The following EIF4G3 variants were observed in gnomAD, a reference collection of about 807,000 sequenced individuals.
The protein encoded by EIF4G3 is eIF-4-gamma 3.
A neutral mutation model predicts 186.4 loss-of-function variants in EIF4G3; 34 were observed. The ratio of observed to expected loss-of-function variants is 0.18; its 90% CI spans 0.14 to 0.24. The LOEUF (loss-of-function observed/expected upper bound fraction) is 0.24. Among genes scored for constraint, EIF4G3 ranks in the 10% least tolerant of loss-of-function variants. The pLI, the probability that EIF4G3 is intolerant of heterozygous loss-of-function variation, is 1.00. For missense variants in EIF4G3, 1,536 were observed against 1,948.5 expected, an observed-to-expected ratio of 0.79 and a Z score of 3.99; for synonymous variants, 673 against 679.5, an observed-to-expected ratio of 0.99 and a Z score of 0.15.
intron 29 of EIF4G3, among the ~76,000 whole-genome samples, chr1:20,848,656 A>G (rs2072064088): frequency 6.6e-6 from 1 of 152,224 alleles, no homozygotes; most frequent in East Asian, 1.9e-4. Context: ...GACCTGGCAC[A>G]TTGCTTGTTT....
chr1:21,154,777 C>T (rs908021492), intron 2 of EIF4G3, among the ~76,000 whole-genome samples: 1 of 152,132 alleles, frequency 6.6e-6, no homozygotes, highest in South Asian at 2.1e-4. Context: ...ATGTATCTCT[C>T]CATCTATATA....
intron 2 of EIF4G3, among the ~76,000 whole-genome samples, chr1:21,093,783 G>T (rs1023197372): frequency 6.6e-6 from 1 of 152,076 alleles, no homozygotes; most frequent in African/African-American, 2.4e-5. Flanking sequence ...CATAAAAAAG[G>T]ATGAGTTCAT....
chr1:20,839,714 C>G (rs941798142), intron 30 of EIF4G3, among the ~76,000 whole-genome samples: 33 of 151,762 alleles, frequency 2.2e-4, no homozygotes, highest in African/African-American at 7.7e-4. Flanking sequence ...GTTTCAGACT[C>G]CTGATCTCAA....
At chr1:20,880,854 A>T (rs933618333) in intron 19 of EIF4G3, among the ~76,000 whole-genome samples, 2 of 152,232 alleles carry the variant, frequency 1.3e-5, no homozygotes, top group Non-Finnish European at 2.9e-5. Flanking sequence ...CTTGTATTAG[A>T]AGATTCATTA....
chr1:21,035,351 T>C (rs1166131142), intron 4 of EIF4G3, among the ~76,000 whole-genome samples: 4 of 152,098 alleles, frequency 2.6e-5, no homozygotes, highest in Non-Finnish European at 4.4e-5. Flanking sequence ...CCCTCCTGAG[T>C]TGGCAGGGCA....
At chr1:20,941,310 G>A (rs978006123) in intron 14 of EIF4G3, 181 bp downstream of exon 14, 1 of 1,557,726 alleles carries the variant, frequency 6.4e-7, no homozygotes, top group African/African-American at 1.4e-5. Flanking sequence ...TTTAGACAAT[G>A]GAGTAACTCT....
chr1:20,878,614 C>T (rs192746157), intron 20 of EIF4G3, among the ~76,000 whole-genome samples: 3 of 152,024 alleles, frequency 2.0e-5, no homozygotes, highest in Admixed American at 6.5e-5. Flanking sequence ...CAGCAAGGCA[C>T]GACAATGAGT....
intron 4 of EIF4G3, among the ~76,000 whole-genome samples, chr1:21,026,764 T>G (rs1028594583): frequency 6.6e-6 from 1 of 151,572 alleles, no homozygotes; most frequent in Non-Finnish European, 1.5e-5. Flanking sequence ...AACCTGACCA[T>G]CATGGCAAAA....
chr1:20,921,838 T>G (rs2094510951), intron 14 of EIF4G3, among the ~76,000 whole-genome samples: 1 of 152,184 alleles, frequency 6.6e-6, no homozygotes, highest in Non-Finnish European at 1.5e-5. Flanking sequence ...CAGTGTGTAT[T>G]TTGACATCCC....
intron 15 of EIF4G3, among the ~76,000 whole-genome samples, chr1:20,900,593 A>G (rs3767246): frequency 0.1 from 15,848 of 152,124 alleles, 1,136 homozygotes; most frequent in East Asian, 0.32. Flanking sequence ...AGAAGGCGAA[A>G]AAGAATTGAA....
chr1:21,106,711 G>A (rs2096624418), intron 2 of EIF4G3, among the ~76,000 whole-genome samples: 1 of 151,824 alleles, frequency 6.6e-6, no homozygotes, highest in South Asian at 2.1e-4. Flanking sequence ...CATAAAAATA[G>A]CATTTAATGC....
chr1:20,931,417 C>G (rs1378209883), intron 14 of EIF4G3, among the ~76,000 whole-genome samples: 1 of 152,146 alleles, frequency 6.6e-6, no homozygotes, highest in Non-Finnish European at 1.5e-5. Flanking sequence ...ACACTGCAAA[C>G]AGATGTGTCA....
intron 30 of EIF4G3, among the ~76,000 whole-genome samples, chr1:20,833,335 T>C (rs1210815920): frequency 1.3e-5 from 2 of 152,182 alleles, no homozygotes; most frequent in Admixed American, 6.5e-5. Flanking sequence ...AAGTCCCTTG[T>C]AAGTTGGATT....
Position 20,899,803 on chromosome 1 carries a change from C to T in EIF4G3, c.1893G>A (p.Glu631=). 6.2e-7 allele frequency: 1 copy of T among 1,614,138 alleles called. No individual in the cohort carries two copies. The highest frequency in any genetic ancestry group is 1.7e-5 in the Admixed American group (1 of 60,026). The change falls in exon 16 of 37, where the codon GAG becomes GAA. Residue 631 remains glutamate (E), a synonymous_variant. Coordinates refer to ENST00000602326, the MANE Select transcript of EIF4G3 (RefSeq NM_001391906.1). ...KAVEENGEEA[E]PVRNGAESVS... ...CACTCTCAGCACCATTACGTACTGG[C>T]TCAGCTTCTTCTCCATTTTCTTCCA...
At chr1:21,174,036 A>G (rs926362792) in intron 2 of EIF4G3, among the ~76,000 whole-genome samples, 1 of 152,194 alleles carries the variant, frequency 6.6e-6, no homozygotes, top group Admixed American at 6.5e-5. Context: ...TATTTTAGCA[A>G]TTGTAACCTT....
At chr1:20,987,457 A>G (rs2079841127) in intron 7 of EIF4G3, among the ~76,000 whole-genome samples, 1 of 152,248 alleles carries the variant, frequency 6.6e-6, no homozygotes, top group Non-Finnish European at 1.5e-5. Context: ...GTGTTGAGAA[A>G]GTCTATCAGC....
chr1:20,815,575 C>G (rs1483041872), intron 34 of EIF4G3, among the ~76,000 whole-genome samples: 2 of 152,074 alleles, frequency 1.3e-5, no homozygotes, highest in East Asian at 3.9e-4. Context: ...TGGGGAGCCC[C>G]TCCGTCCGGC....
chr1:20,917,307 G>A (rs1464515718), intron 14 of EIF4G3, among the ~76,000 whole-genome samples: 1 of 152,206 alleles, frequency 6.6e-6, no homozygotes, highest in Non-Finnish European at 1.5e-5. Context: ...ATCAGCCTGG[G>A]CAACATGGCG....
Position 21,133,802 on chromosome 1 carries a change from C to T in EIF4G3, c.-272+42373G>A, listed in dbSNP as rs192415788. The stretch of plus-strand genomic sequence containing the variant: ...ACTAAGACAGCACCCAGGATGATTC[C>T]GGGCACTTTATATACTCTAGTCCTC... On this transcript the variant is annotated intron_variant, in intron 2 of 36. Coordinates refer to ENST00000602326, the MANE Select transcript of EIF4G3 (RefSeq NM_001391906.1). Among the ~76,000 whole-genome samples the T allele has an allele frequency of 1.9e-3, 296 of 152,218 alleles. 2 individuals are homozygous for T. Among genetic ancestry groups the T allele is most frequent in the African/African-American group, 6.8e-3 (281 of 41,548 alleles).
Sources: gnomAD v4.1 joint callset for allele counts (sites outside exome capture counted in the v4.1 genomes callset) on GRCh38, gnomAD v4.1.1 for gene constraint, MANE v1.5 for transcripts, NCBI Gene and HGNC (gene_info 2026-07-23, HGNC 2026-07-21) for gene names.